EVI5: variants seen among roughly 807,000 people sequenced by gnomAD.
EVI5 encodes ecotropic viral integration site 5 protein homolog.
A neutral mutation model predicts 112.0 loss-of-function variants in EVI5; 73 were observed. The ratio of observed to expected loss-of-function variants is 0.65; its 90% CI spans 0.54 to 0.79. EVI5 has a LOEUF of 0.79. Ranked by LOEUF, EVI5 falls within the 30% of genes least tolerant of loss-of-function variation. The pLI is 0.00. For missense variants in EVI5, 900 were observed against 968.8 expected (o/e 0.93, Z 0.94); for synonymous variants, 305 against 319.9 (o/e 0.95, Z 0.50).
At chr1:92,653,882 A>G (rs1156878235) in intron 13 of EVI5, among the ~76,000 whole-genome samples, 1 of 152,152 alleles carries the variant, frequency 6.6e-6, no homozygotes, top group Non-Finnish European at 1.5e-5. Context: ...TGTCTGACCA[A>G]TTTGAGTGTT....
rs192833654 is a variant in EVI5 at position 92,741,638 on chromosome 1, G to A, written c.-81-5011C>T. On this transcript the variant is annotated intron_variant, in intron 1 of 19. Transcript: ENST00000684568. ...GCTGATGGGGTTATTCTTTGTCACT[G>A]TGGAGTTAGCTTGTTTTATAATATA... Among the ~76,000 whole-genome samples, 22 of 152,204 alleles carry A rather than the reference G, an allele frequency of 1.4e-4. No individual in the cohort carries two copies. In the East Asian group the frequency reaches 4.2e-3, roughly 29 times the overall value.
At chr1:92,730,157 G>C (rs1676213658) in intron 2 of EVI5, among the ~76,000 whole-genome samples, 1 of 152,128 alleles carries the variant, frequency 6.6e-6, no homozygotes, top group Non-Finnish European at 1.5e-5. Flanking sequence ...TTGAGCCCAG[G>C]AGTTTAAGAC....
At chr1:92,690,270 TAAG>T (rs1025004550) in intron 9 of EVI5, among the ~76,000 whole-genome samples, 4 of 151,942 alleles carry the variant, frequency 2.6e-5, no homozygotes, top group Non-Finnish European at 4.4e-5. Flanking sequence ...CTGATAAATG[TAAG>T]AAGAATAACA....
At chr1:92,592,115 T>C (rs1356522101) in intron 18 of EVI5, among the ~76,000 whole-genome samples, 1 of 152,164 alleles carries the variant, frequency 6.6e-6, no homozygotes, top group Admixed American at 6.5e-5. Flanking sequence ...TGGTAGCAGG[T>C]GCCTGCAGTC....
intron 1 of EVI5, among the ~76,000 whole-genome samples, chr1:92,774,558 C>T (rs1479070465): frequency 1.3e-5 from 2 of 152,150 alleles, no homozygotes; most frequent in East Asian, 3.8e-4. Flanking sequence ...CATAATAAAG[C>T]AAGTTTTGTT....
At chr1:92,730,115 C>A (rs141356587) in intron 2 of EVI5, among the ~76,000 whole-genome samples, 1 of 152,240 alleles carries the variant, frequency 6.6e-6, no homozygotes, top group Non-Finnish European at 1.5e-5. Flanking sequence ...CCGGTAATGC[C>A]AGCCTTTGGG....
At chr1:92,538,481 A>T (rs1664249648) in intron 19 of EVI5, among the ~76,000 whole-genome samples, 1 of 152,224 alleles carries the variant, frequency 6.6e-6, no homozygotes, top group Admixed American at 6.5e-5. Flanking sequence ...GTTCAGAGGA[A>T]ATTCTTGTTC....
intron 19 of EVI5, among the ~76,000 whole-genome samples, chr1:92,558,214 T>C (rs2100835875): frequency 6.6e-6 from 1 of 152,284 alleles, no homozygotes; most frequent in South Asian, 2.1e-4. Context: ...CTCTTGACCC[T>C]AAAGGTTGGG....
intron 1 of EVI5, among the ~76,000 whole-genome samples, chr1:92,757,733 CT>C (rs1681159836): frequency 6.6e-6 from 1 of 151,680 alleles, no homozygotes; most frequent in Admixed American, 6.6e-5. Context: ...AAAACCCCGT[CT>C]CTATTAAAGA....
intron 19 of EVI5, among the ~76,000 whole-genome samples, chr1:92,553,201 G>T (rs1299901638): frequency 6.6e-6 from 1 of 151,758 alleles, no homozygotes; most frequent in East Asian, 1.9e-4. Context: ...TACAATCTCG[G>T]CTCACTGCAA....
intron 18 of EVI5, among the ~76,000 whole-genome samples, chr1:92,603,933 C>T (rs939163666): frequency 1.3e-5 from 2 of 151,938 alleles, no homozygotes; most frequent in Non-Finnish European, 2.9e-5. Context: ...GAGGGAGTCT[C>T]ACTTTGTTTG....
At chr1:92,734,686 T>C (rs1244830603) in intron 2 of EVI5, among the ~76,000 whole-genome samples, 3 of 99,334 alleles carry the variant, frequency 3.0e-5, no homozygotes, top group African/African-American at 9.3e-5. Context: ...TAAAATAAGA[T>C]AAAACTTCTG....
chr1:92,622,148 T>C, intron 16 of EVI5: 1 of 185,592 alleles, frequency 5.4e-6, no homozygotes. Context: ...AAAAAAGAAA[T>C]CTAAATCTAA....
chr1:92,641,208 TTG>T (rs59457131), intron 13 of EVI5, among the ~76,000 whole-genome samples: 13,079 of 151,760 alleles, frequency 0.086, 1,573 homozygotes, highest in African/African-American at 0.27. Context: ...AAAAAAAAAA[TTG>T]TGTGATTAAT....
chr1:92,779,592 T>C (rs1490896695), intron 1 of EVI5, among the ~76,000 whole-genome samples: 1 of 151,174 alleles, frequency 6.6e-6, no homozygotes, highest in Non-Finnish European at 1.5e-5. Flanking sequence ...ATGGCACCCA[T>C]GAAACAAGAA....
rs1347061069 is a variant in EVI5 at position 92,513,196 on chromosome 1, A to G, written c.*460T>C. The stretch of plus-strand genomic sequence containing the variant: ...AAAAAACACAAGGTAAATCAGATGT[A>G]TGTCTTGGTCAAATGTCTGTAGACA... On this transcript the variant is annotated 3_prime_UTR_variant, in exon 20 of 20. Coordinates refer to ENST00000684568, the MANE Select transcript of EVI5 (RefSeq NM_001350197.2). 3 of 151,538 alleles carry G rather than the reference A, an allele frequency of 2.0e-5. No individual in the cohort carries two copies. Among genetic ancestry groups the G allele is most frequent in the Non-Finnish European group, 2.9e-5 (2 of 67,856 alleles). The allele number at this position is 151,538 out of a possible 1,614,324, so 9.4% of individuals were successfully genotyped here.
At chr1:92,596,341 C>A (rs1343441929) in intron 18 of EVI5, among the ~76,000 whole-genome samples, 1 of 152,012 alleles carries the variant, frequency 6.6e-6, no homozygotes, top group Non-Finnish European at 1.5e-5. Flanking sequence ...GCTTGGATGA[C>A]GAAGTGAGAC....
intron 18 of EVI5, among the ~76,000 whole-genome samples, chr1:92,598,607 C>T (rs1557871616): frequency 6.6e-6 from 1 of 152,048 alleles, no homozygotes; most frequent in Non-Finnish European, 1.5e-5. Context: ...AAATGCTATA[C>T]ATGGCATAGT....
At chr1:92,755,071 T>TTG (rs4000733) in intron 1 of EVI5, among the ~76,000 whole-genome samples, 71,674 of 112,976 alleles carry the variant, frequency 0.63, 21,823 homozygotes, top group East Asian at 0.88. Flanking sequence ...AACATAGGTT[T>TTG]TTTTTTTTTT....
Sources: gnomAD v4.1 joint callset for allele counts (sites outside exome capture counted in the v4.1 genomes callset) on GRCh38, gnomAD v4.1.1 for gene constraint, MANE v1.5 for transcripts, NCBI Gene and HGNC (gene_info 2026-07-23, HGNC 2026-07-21) for gene names.